The following DOCK10 variants were observed in gnomAD, a reference collection of about 807,000 sequenced individuals.
DOCK10 encodes the protein dedicator of cytokinesis 10.
In DOCK10, 145 loss-of-function variants were observed where a neutral mutation model predicts 280.1. The observed-to-expected ratio is 0.52, with a 90% confidence interval of 0.45 to 0.59. The LOEUF is 0.59. Ranked by LOEUF, DOCK10 falls within the 20% of genes least tolerant of loss-of-function variation. The pLI is 0.00. For synonymous variants in DOCK10, 915 were observed against 942.2 expected, an observed-to-expected ratio of 0.97 and a Z score of 0.53; for missense variants, 2,368 against 2,651.7, an observed-to-expected ratio of 0.89 and a Z score of 2.35.
At chr2:224,837,702 A>T (rs192019088) in intron 25 of DOCK10, 60 bp downstream of exon 25, 7 of 1,432,430 alleles carry the variant, frequency 4.9e-6, no homozygotes, top group African/African-American at 1.4e-5. Context: ...TGCAGACAGG[A>T]AATGAGACAA....
At chr2:224,811,408 G>A (rs1017681093) in intron 31 of DOCK10, among the ~76,000 whole-genome samples, 2 of 152,166 alleles carry the variant, frequency 1.3e-5, no homozygotes, top group Admixed American at 6.5e-5. Flanking sequence ...TGAGTAGGTT[G>A]TGAAAATTTT....
intron 1 of DOCK10, among the ~76,000 whole-genome samples, chr2:224,948,188 G>T (rs1297002788): frequency 6.6e-6 from 1 of 152,166 alleles, no homozygotes; most frequent in Admixed American, 6.5e-5. Flanking sequence ...CCATTCACCT[G>T]TCTCTACTTT....
intron 1 of DOCK10, among the ~76,000 whole-genome samples, chr2:224,932,221 T>C (rs768455842): frequency 6.6e-6 from 1 of 152,206 alleles, no homozygotes; most frequent in Non-Finnish European, 1.5e-5. Context: ...TAGGTCATTT[T>C]CTAATAGAAC....
In DOCK10 at chr2:225,014,504, GATTA is replaced by G. The variant is rs1348144453; in HGVS notation, c.123+27744_123+27747del. Reference sequence around the variant, plus strand: ...AGATTAGTCATCTTACATTTATTGTGATTAATTATTGATATAATTAGATTAATCT... The same window carrying G: ...AGATTAGTCATCTTACATTTATTGTGATTATTGATATAATTAGATTAATCT... On this transcript the variant is annotated intron_variant, in intron 1 of 55. Coordinates refer to ENST00000258390, the MANE Select transcript of DOCK10 (RefSeq NM_014689.3). 2.0e-5 allele frequency among the ~76,000 whole-genome samples: 3 copies of G among 152,042 alleles called. No homozygotes were observed. The South Asian group carries it at 6.2e-4, about 32-fold the overall frequency.
chr2:224,816,742 G>T, intron 29 of DOCK10, 29 bp from the exon 30 acceptor site: 3 of 1,214,582 alleles, frequency 2.5e-6, no homozygotes, highest in South Asian at 2.6e-5. Context: ...AAATGACTAT[G>T]ACTTACAGAC....
chr2:224,855,666 C>T (rs965277852), intron 15 of DOCK10, among the ~76,000 whole-genome samples: 8 of 152,292 alleles, frequency 5.3e-5, no homozygotes, highest in South Asian at 2.1e-4. Context: ...TAAAACCTCT[C>T]GCCAATCTTC....
chr2:224,773,234 GC>G lies in DOCK10; in HGVS notation c.6126del (p.Glu2042AspfsTer13). On this transcript the variant is annotated frameshift_variant, in exon 53 of 56. Transcript: ENST00000258390. LOFTEE classifies it high-confidence loss of function. ...TCTTCCATTGTGCAAAGCTGATTAA[GC>G]TCAGAAACCTTCTTGGACATCTCGT... Reference protein sequence around the residue: ...AIDEMSKKVSELNQLCTMEEV... With the variant: ...AIDEMSKKVSXLNQLCTMEEV... 1 of 1,613,964 alleles carries G rather than the reference GC, an allele frequency of 6.2e-7. No individual in the cohort carries two copies. The highest frequency in any genetic ancestry group is 8.5e-7 in the Non-Finnish European group (1 of 1,179,884).
intron 1 of DOCK10, among the ~76,000 whole-genome samples, chr2:224,949,671 A>G (rs1703620173): frequency 6.6e-6 from 1 of 152,174 alleles, no homozygotes; most frequent in African/African-American, 2.4e-5. Flanking sequence ...AAATTACAGA[A>G]TCATCTGGGA....
chr2:224,801,851 A>C, intron 40 of DOCK10, 65 bp downstream of exon 40: 1 of 1,537,324 alleles, frequency 6.5e-7, no homozygotes, highest in Non-Finnish European at 8.9e-7. Context: ...AGTGCATTTC[A>C]TGTCCTACAC....
chr2:224,937,787 G>T (rs1702773191), intron 1 of DOCK10, among the ~76,000 whole-genome samples: 1 of 152,112 alleles, frequency 6.6e-6, no homozygotes, highest in Non-Finnish European at 1.5e-5. Context: ...CAAAAGAGAA[G>T]GATTAAATTT....
rs759897662 is a variant in DOCK10 at position 224,797,926 on chromosome 2, C to A, written c.4550G>T (p.Arg1517Met). 1 of 1,613,812 alleles carries A rather than the reference C, an allele frequency of 6.2e-7. No homozygotes were observed. The highest frequency in any genetic ancestry group is 8.5e-7 in the Non-Finnish European group (1 of 1,179,772). Residue 1517 changes from arginine (R) to methionine (M), a missense_variant, in exon 42 of 56, where the codon AGG becomes ATG. By Grantham distance (91) the Arg-to-Met change is moderately conservative (BLOSUM62 -1). Around this residue, in one of 2 missense-constraint regions of DOCK10, gnomAD observed 1,159 missense variants for 1,400.8 expected, o/e 0.83. Coordinates refer to ENST00000258390, the MANE Select transcript of DOCK10 (RefSeq NM_014689.3). Reference sequence around the variant, plus strand: ...AAAGAGCATGTAGGTATCAAAGACCCTTTTCATCAATGAATTTTGACAGTC... The same window carrying A: ...AAAGAGCATGTAGGTATCAAAGACCATTTTCATCAATGAATTTTGACAGTC... ...QCDCQNSLMK[R>M]VFDTYMLFFQ...
intron 1 of DOCK10, among the ~76,000 whole-genome samples, chr2:224,992,274 T>A (rs1413670813): frequency 1.3e-5 from 2 of 152,346 alleles, no homozygotes; most frequent in African/African-American, 4.8e-5. Context: ...ACCACCCACG[T>A]CTTAAACATT....
chr2:224,916,848 C>T, intron 2 of DOCK10, 64 bp from the exon 3 acceptor site: 8 of 1,229,584 alleles, frequency 6.5e-6, no homozygotes, highest in Non-Finnish European at 9.4e-6. Flanking sequence ...GACCAGCACA[C>T]TGAACACACA....
chr2:224,973,795 T>A (rs1361634919), intron 1 of DOCK10, among the ~76,000 whole-genome samples: 1 of 152,162 alleles, frequency 6.6e-6, no homozygotes, highest in African/African-American at 2.4e-5. Flanking sequence ...TTTAAATAGC[T>A]GACCCAGAGA....
rs753105274 is a variant in DOCK10, at chr2:224,837,842, A to G, written c.2781-11T>C. 7 of 1,613,230 alleles carry G rather than the reference A, an allele frequency of 4.3e-6. No individual in the cohort carries two copies. In the South Asian group the frequency reaches 7.7e-5, roughly 18 times the overall value. ...ATGTCGGTCAGAACCCTGCAAAAGC[A>G]AAGCTGTTCAGTGGCCTTTCTGGAG... On this transcript the variant is annotated splice_polypyrimidine_tract_variant and intron_variant, in intron 24 of 55. Transcript: ENST00000258390.
chr2:225,003,613 T>A (rs1706495156), intron 1 of DOCK10, among the ~76,000 whole-genome samples: 2 of 152,256 alleles, frequency 1.3e-5, no homozygotes, highest in Admixed American at 1.3e-4. Flanking sequence ...GACATACGCT[T>A]CACTTCTTTT....
At chr2:224,993,218 T>TTTTTTTTTTTTG (rs1309104295) in intron 1 of DOCK10, among the ~76,000 whole-genome samples, 36 of 151,778 alleles carry the variant, frequency 2.4e-4, no homozygotes, top group African/African-American at 8.7e-4. Flanking sequence ...TTTTTTTTTT[T>TTTTTTTTTTTTG]GCTGTCCAAC....
At chr2:225,035,777 T>G (rs1405739521) in intron 1 of DOCK10, among the ~76,000 whole-genome samples, 1 of 151,306 alleles carries the variant, frequency 6.6e-6, no homozygotes, top group South Asian at 2.1e-4. Context: ...GAGATCATGG[T>G]GCTAACATGG....
At chr2:224,921,112 A>ATATATATATATATATATATATAAATATAT (rs1553613961) in intron 2 of DOCK10, among the ~76,000 whole-genome samples, 2 of 54,418 alleles carry the variant, frequency 3.7e-5, no homozygotes, top group African/African-American at 3.1e-4. Context: ...AAAAAAAAAA[A>ATATATATATATATATATATATAAATATAT]ATATATATAT....
Sources: gnomAD v4.1 joint callset for allele counts (sites outside exome capture counted in the v4.1 genomes callset) on GRCh38, gnomAD v4.1.1 for gene constraint, gnomAD v4.1.1 regional missense constraint, MANE v1.5 for transcripts, NCBI Gene and HGNC (gene_info 2026-07-23, HGNC 2026-07-21) for gene names.